RBFOX1: variants seen among roughly 807,000 people sequenced by gnomAD.
The protein encoded by RBFOX1 is RNA binding protein fox-1 homolog 1.
A neutral mutation model predicts 57.7 loss-of-function variants in RBFOX1; 8 were observed. The observed-to-expected ratio is 0.14, with a 90% confidence interval of 0.08 to 0.25. RBFOX1 has a LOEUF of 0.25. RBFOX1 is among the 10% of genes least tolerant of loss of function. The pLI, the probability that RBFOX1 is intolerant of heterozygous loss-of-function variation, is 1.00. For synonymous variants in RBFOX1, 326 were observed against 222.4 expected (o/e 1.47, Z -4.15); for missense variants, 611 against 548.5 (o/e 1.11, Z -1.14).
At chr16:6,239,936 A>G (rs1425572961) in intron 1 of RBFOX1, among the ~76,000 whole-genome samples, 1 of 152,072 alleles carries the variant, frequency 6.6e-6, no homozygotes, top group Non-Finnish European at 1.5e-5. Context: ...TGTAATCCCC[A>G]ATGGTGGGGG....
chr16:5,457,667 C>G (rs1226089467), intron 1 of RBFOX1, among the ~76,000 whole-genome samples: 1 of 152,222 alleles, frequency 6.6e-6, no homozygotes, highest in Non-Finnish European at 1.5e-5. Flanking sequence ...AGTGCAGATA[C>G]TGCTTTCTCC....
In RBFOX1 at chr16:7,155,646, T is replaced by C. The variant is rs373559673; in HGVS notation, c.27+103548T>C. Among the ~76,000 whole-genome samples the C allele has an allele frequency of 8.5e-4, 120 of 140,492 alleles. 4 individuals carry two copies. In the South Asian group the frequency reaches 0.025, roughly 30 times the overall value. The allele number at this position is 140,492 out of a possible 152,430, so 92.2% of individuals were successfully genotyped here. A position where few individuals can be genotyped will look rare whatever the true frequency, so the allele number is the denominator to read the frequency against. On this transcript the variant is annotated intron_variant, in intron 4 of 15. Coordinates refer to ENST00000550418, the MANE Select transcript of RBFOX1 (RefSeq NM_018723.4). ...AGAGAAATACCAATATTCCCAGGAA[T>C]TGGGCCATGGAAGAGCTATCAGCCA...
At chr16:5,706,544 A>G (rs2051255305) in intron 3 of RBFOX1, among the ~76,000 whole-genome samples, 1 of 152,030 alleles carries the variant, frequency 6.6e-6, no homozygotes, top group South Asian at 2.1e-4. Flanking sequence ...CTTCTCTGGG[A>G]GTTTGTTTTT....
At chr16:7,278,005 C>A (rs1322098703) in intron 4 of RBFOX1, among the ~76,000 whole-genome samples, 2 of 151,110 alleles carry the variant, frequency 1.3e-5, no homozygotes, top group South Asian at 2.1e-4. Flanking sequence ...GGCAAGAATT[C>A]TGTCAGTTCC....
chr16:7,541,102 T>C (rs529775798), intron 5 of RBFOX1, among the ~76,000 whole-genome samples: 7 of 152,340 alleles, frequency 4.6e-5, no homozygotes, highest in African/African-American at 1.7e-4. Flanking sequence ...GTGCAGTTTA[T>C]AGACGCTGCT....
At chr16:6,128,198 A>G (rs925197375) in intron 1 of RBFOX1, among the ~76,000 whole-genome samples, 5 of 152,320 alleles carry the variant, frequency 3.3e-5, no homozygotes, top group East Asian at 1.9e-4. Context: ...TAAACTTTTG[A>G]TATATTGGGT....
At chr16:5,469,495 T>C (rs775698979) in intron 2 of RBFOX1, among the ~76,000 whole-genome samples, 1 of 152,206 alleles carries the variant, frequency 6.6e-6, no homozygotes, top group South Asian at 2.1e-4. Flanking sequence ...TCCCTCTTTA[T>C]TAATCAGTTT....
At chr16:6,868,388 G>A (rs1300334640) in intron 3 of RBFOX1, among the ~76,000 whole-genome samples, 1 of 152,110 alleles carries the variant, frequency 6.6e-6, no homozygotes, top group Non-Finnish European at 1.5e-5. Context: ...ATTTCTGTAA[G>A]TTTTCTTTTG....
chr16:6,642,480 T>C (rs1385277059), intron 2 of RBFOX1, among the ~76,000 whole-genome samples: 1 of 152,030 alleles, frequency 6.6e-6, no homozygotes, highest in Non-Finnish European at 1.5e-5. Flanking sequence ...CTATGTTTAA[T>C]TGTGCTGAGC....
chr16:7,552,695 T>G (rs892787347), intron 5 of RBFOX1, among the ~76,000 whole-genome samples: 1 of 152,178 alleles, frequency 6.6e-6, no homozygotes, highest in African/African-American at 2.4e-5. Context: ...TTTTCTTTCT[T>G]TTTTTGCAAT....
intron 2 of RBFOX1, among the ~76,000 whole-genome samples, chr16:6,576,223 G>C (rs1056244492): frequency 2.0e-5 from 3 of 152,128 alleles, no homozygotes; most frequent in Non-Finnish European, 4.4e-5. Context: ...GGAGCCTGTC[G>C]TAGCATCTCA....
At chr16:7,625,684 A>T (rs1223939369) in intron 10 of RBFOX1, among the ~76,000 whole-genome samples, 1 of 152,144 alleles carries the variant, frequency 6.6e-6, no homozygotes, top group African/African-American at 2.4e-5. Flanking sequence ...TTCAGAAATT[A>T]TGTAGGAAAA....
chr16:6,787,385 T>A (rs1451955155), intron 3 of RBFOX1, among the ~76,000 whole-genome samples: 1 of 152,168 alleles, frequency 6.6e-6, no homozygotes, highest in Non-Finnish European at 1.5e-5. Flanking sequence ...AACGGTGAAA[T>A]GATTAACATC....
At chr16:5,687,587 G>A (rs77878379) in intron 3 of RBFOX1, among the ~76,000 whole-genome samples, 1 of 152,138 alleles carries the variant, frequency 6.6e-6, no homozygotes, top group African/African-American at 2.4e-5. Context: ...CTAAGTCTTT[G>A]GCCTCTCTGA....
chr16:5,802,448 C>T (rs749292230), intron 3 of RBFOX1, among the ~76,000 whole-genome samples: 41 of 152,162 alleles, frequency 2.7e-4, no homozygotes, highest in Non-Finnish European at 5.4e-4. Flanking sequence ...CTGAGATCTA[C>T]AGGCTCAGGG....
intron 1 of RBFOX1, among the ~76,000 whole-genome samples, chr16:6,279,114 A>C (rs1437413956): frequency 1.3e-5 from 2 of 152,164 alleles, no homozygotes; most frequent in Non-Finnish European, 2.9e-5. Context: ...TTTCAATCTT[A>C]GTGGAATTAA....
chr16:6,845,746 A>G (rs920284051), intron 3 of RBFOX1, among the ~76,000 whole-genome samples: 1 of 152,154 alleles, frequency 6.6e-6, no homozygotes, highest in African/African-American at 2.4e-5. Context: ...CCTGACCCCC[A>G]TACACAACTC....
chr16:5,504,658 CCATTTGCTGAG>C (rs1404211023), intron 2 of RBFOX1, among the ~76,000 whole-genome samples: 1 of 152,250 alleles, frequency 6.6e-6, no homozygotes, highest in East Asian at 1.9e-4. Flanking sequence ...GTACTGTCTA[CCATTTGCTGAG>C]CATTTGCTAG....
At chr16:6,203,838 C>A (rs569585093) in intron 1 of RBFOX1, among the ~76,000 whole-genome samples, 1 of 152,256 alleles carries the variant, frequency 6.6e-6, no homozygotes, top group Admixed American at 6.5e-5. Flanking sequence ...ATGCAGCAGT[C>A]TCACTTCTGG....
Sources: gnomAD v4.1 joint callset for allele counts (sites outside exome capture counted in the v4.1 genomes callset) on GRCh38, gnomAD v4.1.1 for gene constraint, MANE v1.5 for transcripts, NCBI Gene and HGNC (gene_info 2026-07-23, HGNC 2026-07-21) for gene names.